The following ANTXR1 variants were observed in gnomAD, a reference collection of about 807,000 sequenced individuals.
The protein encoded by ANTXR1 is anthrax toxin receptor 1.
A neutral mutation model predicts 78.1 loss-of-function variants in ANTXR1; 19 were observed. The ratio of observed to expected loss-of-function variants is 0.24; its 90% CI spans 0.17 to 0.36. ANTXR1 has a LOEUF of 0.36. ANTXR1 is among the 10% of genes least tolerant of loss of function. The pLI is 1.00. For synonymous variants in ANTXR1, 273 were observed against 260.5 expected (o/e 1.05, Z -0.46); for missense variants, 518 against 718.6 (o/e 0.72, Z 3.19).
At chr2:69,127,506 T>C (rs533067154) in intron 12 of ANTXR1, among the ~76,000 whole-genome samples, 5 of 152,168 alleles carry the variant, frequency 3.3e-5, no homozygotes, top group African/African-American at 1.2e-4. Flanking sequence ...TGCAGGGTTG[T>C]GGAAGGACTT....
chr2:69,091,144 A>G (rs1488793559), intron 9 of ANTXR1, among the ~76,000 whole-genome samples: 1 of 151,734 alleles, frequency 6.6e-6, no homozygotes, highest in Non-Finnish European at 1.5e-5. Context: ...AAATCTGTCC[A>G]AATTCTCTTC....
chr2:69,188,421 T>A (rs960936384), intron 16 of ANTXR1, among the ~76,000 whole-genome samples: 1 of 152,242 alleles, frequency 6.6e-6, no homozygotes, highest in African/African-American at 2.4e-5. Context: ...CTATGAATGC[T>A]GGCTGCATAA....
At chr2:69,015,262 C>A (rs1670988471) in intron 1 of ANTXR1, among the ~76,000 whole-genome samples, 1 of 112,990 alleles carries the variant, frequency 8.9e-6, no homozygotes, top group Non-Finnish European at 1.7e-5. Flanking sequence ...TGATTCTAGG[C>A]TTATCTTAGC....
chr2:69,038,654 A>G (rs1408402774), intron 1 of ANTXR1, among the ~76,000 whole-genome samples: 1 of 152,200 alleles, frequency 6.6e-6, no homozygotes, highest in Non-Finnish European at 1.5e-5. Context: ...TGGTGGATTT[A>G]TAATTTTTTT....
intron 13 of ANTXR1, among the ~76,000 whole-genome samples, chr2:69,163,486 A>T (rs72827676): frequency 0.3 from 45,323 of 151,872 alleles, 7,263 homozygotes; most frequent in South Asian, 0.46. Context: ...GTTTTTCAGC[A>T]TGGTCTCTGA....
intron 3 of ANTXR1, among the ~76,000 whole-genome samples, chr2:69,067,485 G>A (rs1231799368): frequency 1.5e-5 from 2 of 130,934 alleles, no homozygotes; most frequent in Non-Finnish European, 1.6e-5. Context: ...TAAATCTCAA[G>A]TCTTAACACA....
chr2:69,119,341 G>A (rs759993099), intron 10 of ANTXR1, among the ~76,000 whole-genome samples: 4 of 152,216 alleles, frequency 2.6e-5, no homozygotes, highest in Non-Finnish European at 5.9e-5. Flanking sequence ...ATGGCCTCCT[G>A]TGGCTGCTCT....
In ANTXR1 at chr2:69,145,118, A is replaced by G. The variant is rs1030453825; in HGVS notation, c.952-7051A>G. On this transcript the variant is annotated intron_variant, in intron 12 of 17. Transcript: ENST00000303714. Reference sequence around the variant, plus strand: ...GTGGCAGCAAACAGGCTGGAAACGGAAGCCCAGAGTTAAATAGATTTACCA... The same window carrying G: ...GTGGCAGCAAACAGGCTGGAAACGGGAGCCCAGAGTTAAATAGATTTACCA... Among the ~76,000 whole-genome samples, 11 of 152,316 alleles carry G rather than the reference A, an allele frequency of 7.2e-5. No homozygotes were observed. The East Asian group carries it at 2.1e-3, about 29-fold the overall frequency.
intron 17 of ANTXR1, among the ~76,000 whole-genome samples, chr2:69,218,222 T>G (rs1239259569): frequency 2.6e-5 from 4 of 152,180 alleles, no homozygotes; most frequent in African/African-American, 9.7e-5. Context: ...AAAATTAAGC[T>G]GGCAAGATTC....
chr2:69,236,277 A>AGT (rs758832941), intron 17 of ANTXR1, among the ~76,000 whole-genome samples: 24 of 152,178 alleles, frequency 1.6e-4, no homozygotes, highest in Non-Finnish European at 2.6e-4. Context: ...AATCATATGT[A>AGT]GTGTGTGTGT....
At position 69,170,783 on chromosome 2, in the gene ANTXR1, G is replaced by A. The variant is rs111451088; in HGVS notation, c.1089+494G>A. ...ACCTAAAGATGGGCCAGGCAGTAAT[G>A]AAAATACGCTGGAGAGGGATATGTT... On this transcript the variant is annotated intron_variant, in intron 14 of 17. Coordinates refer to ENST00000303714, the MANE Select transcript of ANTXR1 (RefSeq NM_032208.3). Among the ~76,000 whole-genome samples, 748 of 152,304 alleles carry A rather than the reference G, an allele frequency of 4.9e-3. 6 individuals carry two copies. The highest frequency in any genetic ancestry group is 0.017 in the African/African-American group (721 of 41,570).
At chr2:69,104,158 C>T (rs1053386029) in intron 10 of ANTXR1, among the ~76,000 whole-genome samples, 4 of 151,974 alleles carry the variant, frequency 2.6e-5, no homozygotes, top group Admixed American at 2.6e-4. Flanking sequence ...AGGCTGGTCT[C>T]GAACTCCTGA....
chr2:69,157,505 C>G (rs1378982290), intron 13 of ANTXR1, among the ~76,000 whole-genome samples: 1 of 152,028 alleles, frequency 6.6e-6, no homozygotes, highest in Non-Finnish European at 1.5e-5. Flanking sequence ...TAAACCTGCT[C>G]TTCATCAATG....
chr2:69,114,461 C>G (rs1463537979), intron 10 of ANTXR1, among the ~76,000 whole-genome samples: 1 of 152,216 alleles, frequency 6.6e-6, no homozygotes, highest in East Asian at 1.9e-4. Context: ...TGGGCCTGCA[C>G]TCCTCTGGGA....
intron 10 of ANTXR1, among the ~76,000 whole-genome samples, chr2:69,108,925 A>G (rs1041932161): frequency 2.8e-4 from 43 of 152,354 alleles, no homozygotes; most frequent in African/African-American, 9.6e-4. Context: ...AAAGACATAT[A>G]TGATGAAAGT....
In ANTXR1 at chr2:69,216,435, A is replaced by C. The variant is rs190577193; in HGVS notation, c.1434+23020A>C. 1.3e-3 allele frequency among the ~76,000 whole-genome samples: 199 copies of C among 152,268 alleles called. No homozygotes were observed. In the Middle Eastern group the frequency reaches 0.014, roughly 10 times the overall value. Reference sequence around the variant, plus strand: ...CACATGCATATACATACATATACACACATACATATATGTATATACACACAT... The same window carrying C: ...CACATGCATATACATACATATACACCCATACATATATGTATATACACACAT... On this transcript the variant is annotated intron_variant, in intron 17 of 17. Coordinates refer to ENST00000303714, the MANE Select transcript of ANTXR1 (RefSeq NM_032208.3).
At chr2:69,146,605 A>T (rs1170428143) in intron 12 of ANTXR1, among the ~76,000 whole-genome samples, 1 of 152,242 alleles carries the variant, frequency 6.6e-6, no homozygotes, top group Non-Finnish European at 1.5e-5. Flanking sequence ...TTCCGCTGTC[A>T]TCTGCGTCAT....
At chr2:69,159,611 G>GT (rs1420308962) in intron 13 of ANTXR1, among the ~76,000 whole-genome samples, 2 of 151,932 alleles carry the variant, frequency 1.3e-5, no homozygotes, top group Non-Finnish European at 2.9e-5. Flanking sequence ...CACTATTTAG[G>GT]TCAAATCAAA....
chr2:69,240,545 T>G (rs1675870767), intron 17 of ANTXR1, among the ~76,000 whole-genome samples: 1 of 152,164 alleles, frequency 6.6e-6, no homozygotes, highest in Admixed American at 6.5e-5. Flanking sequence ...ACTGAAGAAT[T>G]TTGAGCTGGA....
Sources: allele counts gnomAD v4.1 joint callset (sites outside exome capture counted in the v4.1 genomes callset), GRCh38; gene constraint gnomAD v4.1.1; transcripts MANE v1.5; gene names NCBI Gene and HGNC (gene_info 2026-07-23, HGNC 2026-07-21).